The following TOR1AIP1 variants were observed in gnomAD, a reference collection of about 807,000 sequenced individuals.
TOR1AIP1 encodes torsin 1A interacting protein 1, also known as torsin-1A-interacting protein 1.
A neutral mutation model predicts 63.3 loss-of-function variants in TOR1AIP1; 54 were observed. The observed-to-expected ratio is 0.85, with a 90% CI of 0.69 to 1.07. TOR1AIP1 has a LOEUF of 1.07. TOR1AIP1 is among the 50% of genes least tolerant of loss of function. The probability of loss-of-function intolerance (pLI) is 0.00; values close to 1 mark genes in which losing one functional copy is unlikely to be tolerated. For missense variants in TOR1AIP1, 736 were observed against 715.0 expected, an observed-to-expected ratio of 1.03 and a Z score of -0.33; for synonymous variants, 294 against 273.5, an observed-to-expected ratio of 1.07 and a Z score of -0.74.
chr1:179,896,717 C>G (rs1234893437), intron 3 of TOR1AIP1, among the ~76,000 whole-genome samples: 1 of 152,094 alleles, frequency 6.6e-6, no homozygotes, highest in Admixed American at 6.6e-5. Flanking sequence ...GCAAATACTA[C>G]AGTTTGCTTT....
chr1:179,914,502 A>G (rs1376954167), intron 9 of TOR1AIP1, among the ~76,000 whole-genome samples: 2 of 152,212 alleles, frequency 1.3e-5, no homozygotes, highest in Non-Finnish European at 2.9e-5. Context: ...GTACTAAGAA[A>G]ATAACTTAAT....
intron 3 of TOR1AIP1, among the ~76,000 whole-genome samples, chr1:179,894,886 A>C (rs1412879700): frequency 6.6e-6 from 1 of 152,210 alleles, no homozygotes; most frequent in African/African-American, 2.4e-5. Flanking sequence ...AGCAAAATCT[A>C]CAGGAGAAAT....
At chr1:179,894,711 C>T (rs78178309) in intron 3 of TOR1AIP1, among the ~76,000 whole-genome samples, 19,645 of 151,940 alleles carry the variant, frequency 0.13, 1,354 homozygotes, top group African/African-American at 0.15. Flanking sequence ...AGGAAGGAAG[C>T]AATGACTCCT....
chr1:179,895,050 G>A (rs949568307), intron 3 of TOR1AIP1, among the ~76,000 whole-genome samples: 1 of 152,202 alleles, frequency 6.6e-6, no homozygotes, highest in Admixed American at 6.5e-5. Context: ...TTCACTAGAG[G>A]CGATGACTGT....
At chr1:179,909,691 C>T (rs1648770793) in intron 8 of TOR1AIP1, among the ~76,000 whole-genome samples, 1 of 152,150 alleles carries the variant, frequency 6.6e-6, no homozygotes, top group Non-Finnish European at 1.5e-5. Flanking sequence ...CTGCCTTGGC[C>T]TCCCTGAATG....
chr1:179,906,772 CTG>C (rs1648650192), intron 6 of TOR1AIP1, among the ~76,000 whole-genome samples: 1 of 115,134 alleles, frequency 8.7e-6, no homozygotes, highest in Non-Finnish European at 1.7e-5. Flanking sequence ...GAGTCTCGCT[CTG>C]TCGCCCAGGC....
chr1:179,884,785 TTTTTG>T lies in TOR1AIP1; in HGVS notation c.553+21_553+25del. ...GAGGCTCCAGGTAAGAATAGTTAAC[TTTTTG>T]TTTTTCTCCTTACCTACCAACTTTT... is the stretch of plus-strand genomic sequence containing the variant. On this transcript the variant is annotated intron_variant, in intron 2 of 9. Transcript: ENST00000606911. 1 of 1,586,042 alleles carries T rather than the reference TTTTTG, an allele frequency of 6.3e-7. No individual in the cohort carries two copies. The highest frequency in any genetic ancestry group is 8.6e-7 in the Non-Finnish European group (1 of 1,168,578).
chr1:179,900,278 C>T, intron 4 of TOR1AIP1, 111 bp downstream of exon 4: 1 of 694,022 alleles, frequency 1.4e-6, no homozygotes, highest in Non-Finnish European at 2.4e-6. Context: ...GACTGTGGCA[C>T]ATGCCTGTAG....
intron 2 of TOR1AIP1, among the ~76,000 whole-genome samples, chr1:179,886,224 C>T (rs1384569626): frequency 6.6e-6 from 1 of 152,042 alleles, no homozygotes; most frequent in Non-Finnish European, 1.5e-5. Context: ...AATTTTAAAT[C>T]TAGAGTAATT....
intron 3 of TOR1AIP1, among the ~76,000 whole-genome samples, chr1:179,894,486 A>G (rs927447032): frequency 2.6e-5 from 4 of 152,098 alleles, no homozygotes; most frequent in African/African-American, 9.7e-5. Context: ...CAGGAGTTCA[A>G]GACTAGCCTG....
In TOR1AIP1 at chr1:179,913,151, AT is replaced by A. The variant is rs373184794; in HGVS notation, c.908-846del. Among the ~76,000 whole-genome samples the A allele has an allele frequency of 2.2e-3, 316 of 142,378 alleles. 1 individual carries two copies. Among genetic ancestry groups the A allele is most frequent in the African/African-American group, 7.8e-3 (301 of 38,378 alleles). 93.4% of individuals were successfully genotyped at this position (142,378 alleles called of 152,430 possible). ...TTAATTTTTTTTTTTTTTTTTAGAG[AT>A]GGGGTCTCACAATGTTGCCCAGGCT... is the stretch of plus-strand genomic sequence containing the variant. On this transcript the variant is annotated intron_variant, in intron 8 of 9. Transcript: ENST00000606911.
intron 3 of TOR1AIP1, among the ~76,000 whole-genome samples, chr1:179,898,120 G>A (rs1648341217): frequency 6.6e-6 from 1 of 151,766 alleles, no homozygotes; most frequent in Non-Finnish European, 1.5e-5. Context: ...AAAAATTATT[G>A]AGTGTTTACT....
chr1:179,905,521 G>T (rs994968748), intron 6 of TOR1AIP1, among the ~76,000 whole-genome samples: 5 of 152,036 alleles, frequency 3.3e-5, no homozygotes, highest in Non-Finnish European at 5.9e-5. Flanking sequence ...AAATGAATTA[G>T]CTGCTGGGAA....
At chr1:179,905,769 A>G (rs1648613284) in intron 6 of TOR1AIP1, among the ~76,000 whole-genome samples, 1 of 152,174 alleles carries the variant, frequency 6.6e-6, no homozygotes, top group Non-Finnish European at 1.5e-5. Flanking sequence ...CCTGGCCAAC[A>G]TGGTGAAACC....
At position 179,888,674 on chromosome 1, in the gene TOR1AIP1, AAT is replaced by A. The variant is rs527837633; in HGVS notation, c.554-636_554-635del. 5.2e-3 allele frequency among the ~76,000 whole-genome samples: 796 copies of A among 152,280 alleles called. 9 individuals are homozygous for A. Among genetic ancestry groups the A allele is most frequent in the South Asian group, 0.021 (100 of 4,828 alleles). ...ACATAATAGAATCCAAATTTTGATA[AAT>A]ATTTGGTTTTAGAACATGTTATGTG... On this transcript the variant is annotated intron_variant, in intron 2 of 9. Coordinates refer to ENST00000606911, the MANE Select transcript of TOR1AIP1 (RefSeq NM_015602.4).
intron 3 of TOR1AIP1, among the ~76,000 whole-genome samples, chr1:179,890,936 C>G (rs912946625): frequency 1.2e-4 from 18 of 152,026 alleles, no homozygotes; most frequent in African/African-American, 4.3e-4. Context: ...CTAATTCTTA[C>G]AAGGTCTCTT....
rs1331015462 is a variant in TOR1AIP1, at chr1:179,882,770, T to A, written c.268T>A (p.Phe90Ile). The change falls in exon 1 of 10, where the codon TTC becomes ATC. Residue 90 changes from phenylalanine to isoleucine, a missense_variant. Coordinates refer to ENST00000606911, the MANE Select transcript of TOR1AIP1 (RefSeq NM_015602.4). ...PVGKRTRLEE[F>I]RSDSAKEEVR... ...GGGAAAACGAACCCGGCTAGAAGAGTTCCGGTCCGATTCTGCGAAAGAGGA... is the reference window on the plus strand; with the variant it reads ...GGGAAAACGAACCCGGCTAGAAGAGATCCGGTCCGATTCTGCGAAAGAGGA... 6.2e-7 allele frequency: 1 copy of A among 1,613,442 alleles called. No individual in the cohort carries two copies. The highest frequency in any genetic ancestry group is 8.5e-7 in the Non-Finnish European group (1 of 1,179,846).
intron 2 of TOR1AIP1, among the ~76,000 whole-genome samples, chr1:179,886,267 A>G (rs1647905456): frequency 6.6e-6 from 1 of 152,220 alleles, no homozygotes; most frequent in African/African-American, 2.4e-5. Context: ...AAATTGGTAT[A>G]ATGAAGACTA....
Position 179,918,130 on chromosome 1 carries a change from C to G in TOR1AIP1, c.1643C>G (p.Ser548Cys). 6.2e-7 allele frequency: 1 copy of G among 1,613,910 alleles called. No individual in the cohort carries two copies. Among genetic ancestry groups the G allele is most frequent in the Non-Finnish European group, 8.5e-7 (1 of 1,180,030 alleles). Residue 548 changes from serine (S) to cysteine (C), a missense_variant, in exon 10 of 10, where the codon TCC becomes TGC. Transcript: ENST00000606911. ...TTCACCAATTCTAACACACCCAACT[C>G]CTACAATCATATGGACCCAGACAAA... The part of the protein sequence containing the change: ...VKFTNSNTPN[S>C]YNHMDPDKLN...
Sources: allele counts gnomAD v4.1 joint callset (sites outside exome capture counted in the v4.1 genomes callset), GRCh38; gene constraint gnomAD v4.1.1; transcripts MANE v1.5; gene names NCBI Gene and HGNC (gene_info 2026-07-23, HGNC 2026-07-21).